Variants in CNTN6 observed in about 807,000 individuals in gnomAD.
CNTN6 encodes the protein contactin-6.
In CNTN6, 137 loss-of-function variants were observed where a neutral mutation model predicts 122.8. The ratio of observed to expected loss-of-function variants is 1.12; its 90% CI spans 0.97 to 1.29. CNTN6 has a LOEUF of 1.29. CNTN6 is among the 50% of genes most tolerant of loss of function. The pLI, the probability that CNTN6 is intolerant of heterozygous loss-of-function variation, is 0.00. For synonymous variants in CNTN6, 570 were observed against 426.0 expected (o/e 1.34, Z -4.16); for missense variants, 1,634 against 1,223.4 (o/e 1.34, Z -5.01).
In CNTN6 at chr3:1,329,839, TTGG is replaced by T. The variant is rs780356734; in HGVS notation, c.1272_1274del (p.Gly425del). Reference sequence around the variant, plus strand: ...GTTAAAAAAAAGTCTTTTGTTCAAGTTGGTGGGGATATTGTTATCGGATGCAAA... The same window carrying T: ...GTTAAAAAAAAGTCTTTTGTTCAAGTTGGGGATATTGTTATCGGATGCAAA... On this transcript the variant is annotated inframe_deletion, in exon 11 of 23. Transcript: ENST00000446702. The T allele has an allele frequency of 2.0e-5, 33 of 1,610,714 alleles. No individual in the cohort carries two copies. Among genetic ancestry groups the T allele is most frequent in the Non-Finnish European group, 2.8e-5 (33 of 1,178,146 alleles).
At chr3:1,137,429 G>C (rs755349540) in intron 1 of CNTN6, among the ~76,000 whole-genome samples, 2 of 152,150 alleles carry the variant, frequency 1.3e-5, no homozygotes. Flanking sequence ...TTAAGAATCT[G>C]TTAGACTACC....
At chr3:1,341,951 C>G (rs1333428270) in intron 11 of CNTN6, among the ~76,000 whole-genome samples, 1 of 152,104 alleles carries the variant, frequency 6.6e-6, no homozygotes, top group Non-Finnish European at 1.5e-5. Flanking sequence ...CTCTGAACAA[C>G]TATTTGCTAA....
chr3:1,098,073 T>C (rs2090628300), intron 1 of CNTN6, among the ~76,000 whole-genome samples: 1 of 137,064 alleles, frequency 7.3e-6, no homozygotes, highest in Non-Finnish European at 1.5e-5. Flanking sequence ...TTGGACATGA[T>C]CAAGAAAAAG....
At position 1,127,179 on chromosome 3, in the gene CNTN6, A is replaced by G. The variant is rs996204681; in HGVS notation, c.-82-20748A>G. Among the ~76,000 whole-genome samples the G allele has an allele frequency of 3.3e-5, 5 of 151,894 alleles. No individual in the cohort carries two copies. In the South Asian group the frequency reaches 8.3e-4, roughly 25 times the overall value. ...AAGTTGAAAATGCCTGTTTTTCCCT[A>G]CTAAGGGATGTGGAAATAGGGTTGC... On this transcript the variant is annotated intron_variant, in intron 1 of 22. Coordinates refer to ENST00000446702, the MANE Select transcript of CNTN6 (RefSeq NM_001289080.2).
At position 1,223,760 on chromosome 3, in the gene CNTN6, G is replaced by A. The variant is rs867994738; in HGVS notation, c.182+2947G>A. Among the ~76,000 whole-genome samples the A allele has an allele frequency of 2.0e-5, 3 of 152,298 alleles. No homozygotes were observed. The South Asian group carries it at 6.2e-4, about 32-fold the overall frequency. On this transcript the variant is annotated intron_variant, in intron 3 of 22. Coordinates refer to ENST00000446702, the MANE Select transcript of CNTN6 (RefSeq NM_001289080.2). ...TGGTCACCAGAGGAGACTCCTTTCT[G>A]TAATTTAGTCTACTCTACCCTAGTC...
intron 1 of CNTN6, among the ~76,000 whole-genome samples, chr3:1,141,175 A>T (rs1317442059): frequency 6.6e-6 from 1 of 152,178 alleles, no homozygotes; most frequent in Non-Finnish European, 1.5e-5. Flanking sequence ...ATCACACTGA[A>T]ATCAAACTGT....
intron 2 of CNTN6, among the ~76,000 whole-genome samples, chr3:1,152,305 A>AT (rs2092863369): frequency 6.6e-6 from 1 of 151,708 alleles, no homozygotes; most frequent in Admixed American, 6.6e-5. Flanking sequence ...TGCTGGGCTA[A>AT]TTTTTTGTAT....
At chr3:1,366,069 G>A (rs1708175184) in intron 12 of CNTN6, among the ~76,000 whole-genome samples, 1 of 152,034 alleles carries the variant, frequency 6.6e-6, no homozygotes, top group South Asian at 2.1e-4. Flanking sequence ...CGTATTCAAG[G>A]TCTAGACACA....
At chr3:1,308,445 G>A (rs548536919) in intron 7 of CNTN6, among the ~76,000 whole-genome samples, 1 of 152,116 alleles carries the variant, frequency 6.6e-6, no homozygotes, top group South Asian at 2.1e-4. Flanking sequence ...ATTGAAGAAT[G>A]ACATCAGAAA....
At chr3:1,227,536 A>G (rs748414703) in intron 3 of CNTN6, among the ~76,000 whole-genome samples, 3 of 152,114 alleles carry the variant, frequency 2.0e-5, no homozygotes, top group Admixed American at 2.0e-4. Flanking sequence ...TTATTGACTG[A>G]CTGTCTAATT....
intron 2 of CNTN6, among the ~76,000 whole-genome samples, chr3:1,171,215 C>A (rs1325187071): frequency 6.6e-6 from 1 of 152,178 alleles, no homozygotes; most frequent in Non-Finnish European, 1.5e-5. Context: ...GGGGGTCATG[C>A]TCCATCTCAT....
At chr3:1,278,344 A>C (rs1394447977) in intron 4 of CNTN6, 69 bp from the exon 5 acceptor site, 5 of 1,100,414 alleles carry the variant, frequency 4.5e-6, no homozygotes, top group Non-Finnish European at 6.6e-6. Flanking sequence ...AACATTCTTG[A>C]GATTCTTCTT....
At chr3:1,327,232 G>T (rs1701663262) in intron 9 of CNTN6, among the ~76,000 whole-genome samples, 1 of 151,740 alleles carries the variant, frequency 6.6e-6, no homozygotes, top group Non-Finnish European at 1.5e-5. Flanking sequence ...TATGTCAATT[G>T]TCAAAGAAAT....
At chr3:1,153,646 A>G (rs3772373) in intron 2 of CNTN6, among the ~76,000 whole-genome samples, 25,785 of 152,106 alleles carry the variant, frequency 0.17, 3,420 homozygotes, top group African/African-American at 0.36. Flanking sequence ...GGCACCTAGG[A>G]AAAAGGGACA....
chr3:1,274,804 C>T (rs1260714592), intron 4 of CNTN6, among the ~76,000 whole-genome samples: 3 of 152,148 alleles, frequency 2.0e-5, no homozygotes, highest in Non-Finnish European at 4.4e-5. Context: ...ATGTCATAAT[C>T]ATAGTAATTA....
At chr3:1,244,275 GAGAAA>G (rs1344115985) in intron 4 of CNTN6, among the ~76,000 whole-genome samples, 3 of 152,278 alleles carry the variant, frequency 2.0e-5, no homozygotes, top group East Asian at 1.9e-4. Context: ...AGCAAACCCA[GAGAAA>G]AGAGAGCGTA....
chr3:1,333,870 G>A (rs571938459), intron 11 of CNTN6, among the ~76,000 whole-genome samples: 6 of 152,194 alleles, frequency 3.9e-5, no homozygotes, highest in South Asian at 2.1e-4. Context: ...CTGTATTCAC[G>A]TCTTTTCCTC....
chr3:1,264,962 A>G (rs779575983), intron 4 of CNTN6, among the ~76,000 whole-genome samples: 2 of 145,632 alleles, frequency 1.4e-5, no homozygotes, highest in Non-Finnish European at 3.0e-5. Context: ...ATCATTTGGT[A>G]TTTGTCATTC....
intron 3 of CNTN6, among the ~76,000 whole-genome samples, chr3:1,223,426 T>C (rs977124624): frequency 2.6e-5 from 4 of 152,212 alleles, no homozygotes; most frequent in African/African-American, 9.6e-5. Flanking sequence ...AGCAAACTTT[T>C]TGAAAGAGCT....
Sources: allele counts gnomAD v4.1 joint callset (sites outside exome capture counted in the v4.1 genomes callset), GRCh38; gene constraint gnomAD v4.1.1; transcripts MANE v1.5; gene names NCBI Gene and HGNC (gene_info 2026-07-23, HGNC 2026-07-21).